The following MAP3K10 variants were observed in gnomAD, a reference collection of about 807,000 sequenced individuals.
MAP3K10 encodes mitogen-activated protein kinase kinase kinase 10, also known as MKN28 derived nonreceptor_type serine/threonine kinase.
Under a neutral mutation model 75.0 loss-of-function variants are expected in MAP3K10, and 22 were observed. The ratio of observed to expected loss-of-function variants is 0.29; its 90% CI spans 0.21 to 0.42. The LOEUF (loss-of-function observed/expected upper bound fraction) is 0.42, where lower values mean the gene tolerates loss of function less well. Among genes scored for constraint, MAP3K10 ranks in the 10% least tolerant of loss-of-function variants. The probability of loss-of-function intolerance (pLI) is 1.00; values close to 1 mark genes in which losing one functional copy is unlikely to be tolerated. For missense variants in MAP3K10, 1,165 were observed against 1,379.8 expected (o/e 0.84, Z 2.47); for synonymous variants, 599 against 612.9 (o/e 0.98, Z 0.34).
rs766160419 is a variant in MAP3K10 at position 40,212,922 on chromosome 19, G to A, written c.1670G>A (p.Arg557Gln). The change falls in exon 7 of 10, where the codon CGA (arginine) becomes CAA (glutamine). Residue 557 changes from arginine to glutamine, a missense_variant. Arg to Gln is a conservative substitution (Grantham distance 43). This residue lies in a region of MAP3K10 where 575 missense variants were observed against 793.2 expected (regional missense o/e 0.72). Transcript: ENST00000253055. This position sits in a 1 kb window ranked among gnomAD's most constrained non-coding sequence, Gnocchi z 4.2. Reference protein sequence around the residue: ...EELVGGKKKGRTWGPSSTLQK... With the variant: ...EELVGGKKKGQTWGPSSTLQK... Reference sequence around the variant, plus strand: ...CTGGTCGGGGGCAAGAAGAAGGGACGAACGTGGGGGCCCAGCTCCACCCTG... The same window carrying A: ...CTGGTCGGGGGCAAGAAGAAGGGACAAACGTGGGGGCCCAGCTCCACCCTG... 1.7e-5 allele frequency: 28 copies of A among 1,612,852 alleles called. No individual in the cohort carries two copies. The highest frequency in any genetic ancestry group is 2.2e-5 in the East Asian group (1 of 44,876).
chr19:40,192,854 AGGTGAGGTAGGCCTTGCCT>A lies in MAP3K10; in HGVS notation c.682+143_682+161del. 2.9e-6 allele frequency: 2 copies of A among 690,918 alleles called. No individual in the cohort carries two copies. Among genetic ancestry groups the A allele is most frequent in the Non-Finnish European group, 4.6e-6 (2 of 439,232 alleles). 42.8% of individuals were successfully genotyped at this position (690,918 alleles called of 1,614,324 possible). A position where few individuals can be genotyped will look rare whatever the true frequency, so the allele number is the denominator to read the frequency against. Reference sequence around the variant, plus strand: ...CAGCAGTATGATACCTTCAGGGTGAAGGTGAGGTAGGCCTTGCCTGCCTTAAGGGAGAAAAAGGAGGCTC... The same window carrying A: ...CAGCAGTATGATACCTTCAGGGTGAAGCCTTAAGGGAGAAAAAGGAGGCTC... On this transcript the variant is annotated intron_variant, in intron 1 of 9. Coordinates refer to ENST00000253055, the MANE Select transcript of MAP3K10 (RefSeq NM_002446.4). This position sits in a 1 kb window ranked among gnomAD's most constrained non-coding sequence, Gnocchi z 7.1.
chr19:40,213,743 C>A lies in MAP3K10; in HGVS notation c.2064C>A (p.Gly688=). 1 of 1,085,156 alleles carries A rather than the reference C, an allele frequency of 9.2e-7. No homozygotes were observed. Among genetic ancestry groups the A allele is most frequent in the Non-Finnish European group, 1.1e-6 (1 of 892,776 alleles). The allele number at this position is 1,085,156 out of a possible 1,614,324, so 67.2% of individuals were successfully genotyped here. The change falls in exon 9 of 10, where the codon GGC becomes GGA. Residue 688 remains glycine (G), a synonymous_variant. Coordinates refer to ENST00000253055, the MANE Select transcript of MAP3K10 (RefSeq NM_002446.4). The surrounding 1 kb of genome is among the most constrained non-coding windows in gnomAD (Gnocchi z 5.7). ...CATLLGAVGL[G]ADVAEARAAD... Reference sequence around the variant, plus strand: ...CGCTGCTGGGGGCTGTGGGCCTGGGCGCCGACGTGGCCGAGGCGCGCGCGG... The same window carrying A: ...CGCTGCTGGGGGCTGTGGGCCTGGGAGCCGACGTGGCCGAGGCGCGCGCGG...
At position 40,192,072 on chromosome 19, in the gene MAP3K10, C is replaced by T. The variant is rs750965657; in HGVS notation, c.41C>T (p.Thr14Met). Residue 14 changes from threonine (T) to methionine (M), a missense_variant, in exon 1 of 10, where the codon ACG (threonine) becomes ATG (methionine). By Grantham distance (81) the Thr-to-Met change is moderately conservative. Around this residue, in one of 2 missense-constraint regions of MAP3K10, gnomAD observed 575 missense variants for 793.2 expected, o/e 0.72. Coordinates refer to ENST00000253055, the MANE Select transcript of MAP3K10 (RefSeq NM_002446.4). This position sits in a 1 kb window ranked among gnomAD's most constrained non-coding sequence, Gnocchi z 7.1. ...GGGGCGGTGGCCAAGGAGTGGGGCA[C>T]GACCCCCGCGGGGCCCGTCTGGACC... is the stretch of plus-strand genomic sequence containing the variant. ...EEGAVAKEWG[T>M]TPAGPVWTAV... 2.6e-5 allele frequency: 39 copies of T among 1,489,988 alleles called. No homozygotes were observed. Among genetic ancestry groups the T allele is most frequent in the Non-Finnish European group, 3.5e-5 (39 of 1,122,136 alleles). The allele number at this position is 1,489,988 out of a possible 1,614,324, so 92.3% of individuals were successfully genotyped here.
chr19:40,192,244 C>T lies in MAP3K10; in HGVS notation c.213C>T (p.Phe71=), dbSNP rs1184196193. 1.2e-6 allele frequency: 2 copies of T among 1,604,042 alleles called. No homozygotes were observed. The highest frequency in any genetic ancestry group is 1.7e-5 in the Admixed American group (1 of 58,960). ...TCCCCAGCGGCCGCGTGGGCGTCTT[C>T]CCCAGCAACTACGTGGCCCCCGGCG... is the stretch of plus-strand genomic sequence containing the variant. ...GQLPSGRVGV[F]PSNYVAPGAP... The change falls in exon 1 of 10, where the codon TTC becomes TTT. Residue 71 remains phenylalanine (F), a synonymous_variant. Coordinates refer to ENST00000253055, the MANE Select transcript of MAP3K10 (RefSeq NM_002446.4). This position sits in a 1 kb window ranked among gnomAD's most constrained non-coding sequence, Gnocchi z 7.1.
rs1322102582 is a variant in MAP3K10, at chr19:40,204,377, G to T, written c.864-108G>T. Reference sequence around the variant, plus strand: ...GTTCTTGTGACCTCATTGGCCGGGGGTGGCTGTTGGGGTGAGGGCAGCCCT... The same window carrying T: ...GTTCTTGTGACCTCATTGGCCGGGGTTGGCTGTTGGGGTGAGGGCAGCCCT... On this transcript the variant is annotated intron_variant, in intron 2 of 9. Coordinates refer to ENST00000253055, the MANE Select transcript of MAP3K10 (RefSeq NM_002446.4). The surrounding 1 kb of genome is among the most constrained non-coding windows in gnomAD (Gnocchi z 4.3). 1.6e-6 allele frequency: 2 copies of T among 1,270,962 alleles called. No individual in the cohort carries two copies. Among genetic ancestry groups the T allele is most frequent in the East Asian group, 2.5e-5 (1 of 39,464 alleles). The allele number at this position is 1,270,962 out of a possible 1,614,324, so 78.7% of individuals were successfully genotyped here. A position where few individuals can be genotyped will look rare whatever the true frequency, so the allele number is the denominator to read the frequency against.
At position 40,192,525 on chromosome 19, in the gene MAP3K10, T is replaced by G; in HGVS notation, c.494T>G (p.Leu165Arg). ...PNIIALRGAC[L>R]NPPHLCLVME... ...ATAATTGCCCTTAGGGGCGCCTGCC[T>G]CAACCCCCCACACCTCTGCCTAGTG... Residue 165 changes from leucine (L) to arginine (R), a missense_variant, in exon 1 of 10, where the codon CTC (leucine) becomes CGC (arginine). Leu to Arg is a moderately radical substitution (Grantham distance 102). This residue lies in a region of MAP3K10 where 575 missense variants were observed against 793.2 expected (regional missense o/e 0.72). Coordinates refer to ENST00000253055, the MANE Select transcript of MAP3K10 (RefSeq NM_002446.4). The surrounding 1 kb of genome is among the most constrained non-coding windows in gnomAD (Gnocchi z 7.1). 6.2e-7 allele frequency: 1 copy of G among 1,613,558 alleles called. No homozygotes were observed.
rs557538464 is a variant in MAP3K10 at position 40,212,048 on chromosome 19, C to T, written c.1553-757C>T. Among the ~76,000 whole-genome samples the T allele has an allele frequency of 6.6e-6, 1 of 152,162 alleles. No individual in the cohort carries two copies. Among genetic ancestry groups the T allele is most frequent in the Non-Finnish European group, 1.5e-5 (1 of 68,022 alleles). On this transcript the variant is annotated intron_variant, in intron 6 of 9. Transcript: ENST00000253055. This position sits in a 1 kb window ranked among gnomAD's most constrained non-coding sequence, Gnocchi z 4.2. Reference sequence around the variant, plus strand: ...CCTGGTATGGATTTTCTTTTAACTGCCCTGGGGCAGCCCCCAGAGCCATGC... The same window carrying T: ...CCTGGTATGGATTTTCTTTTAACTGTCCTGGGGCAGCCCCCAGAGCCATGC...
chr19:40,204,778 C>A lies in MAP3K10; in HGVS notation c.1012+145C>A. The A allele has an allele frequency of 9.8e-7, 1 of 1,024,508 alleles. No individual in the cohort carries two copies. 63.5% of individuals were successfully genotyped at this position (1,024,508 alleles called of 1,614,324 possible). A position where few individuals can be genotyped will look rare whatever the true frequency, so the allele number is the denominator to read the frequency against. On this transcript the variant is annotated intron_variant, in intron 3 of 9. Coordinates refer to ENST00000253055, the MANE Select transcript of MAP3K10 (RefSeq NM_002446.4). This position sits in a 1 kb window ranked among gnomAD's most constrained non-coding sequence, Gnocchi z 4.3. ...CTGGAACCCACTGGACTCTAAACAG[C>A]CTCCCCATGGTTGGCTCCATCCCCC...
At chr19:40,208,645 C>T (rs1973179669) in intron 5 of MAP3K10, among the ~76,000 whole-genome samples, 1 of 147,486 alleles carries the variant, frequency 6.8e-6, no homozygotes, top group Non-Finnish European at 1.5e-5. Context: ...CAAGACCAGC[C>T]TGGTCACCAC....
chr19:40,206,309 T>G, intron 5 of MAP3K10, 152 bp downstream of exon 5: 1 of 915,618 alleles, frequency 1.1e-6, no homozygotes. Context: ...GGCGAGCACT[T>G]GTAGTCCCAG....
chr19:40,203,023 G>A (rs1206620857), intron 2 of MAP3K10, among the ~76,000 whole-genome samples: 1 of 152,192 alleles, frequency 6.6e-6, no homozygotes, highest in Non-Finnish European at 1.5e-5. Context: ...AATGGTGCTT[G>A]GCACACAGTA....
intron 6 of MAP3K10, among the ~76,000 whole-genome samples, chr19:40,210,199 G>A (rs1003443250): frequency 4.6e-5 from 7 of 152,176 alleles, no homozygotes; most frequent in Admixed American, 3.3e-4. Context: ...CCCGGGAGGC[G>A]GAGCATGCAG....
intron 5 of MAP3K10, among the ~76,000 whole-genome samples, chr19:40,207,122 T>C (rs1381992631): frequency 6.6e-6 from 1 of 152,096 alleles, no homozygotes. Flanking sequence ...AAGATATACA[T>C]ATATATGCTG....
chr19:40,202,962 G>A (rs192806280), intron 2 of MAP3K10, among the ~76,000 whole-genome samples: 1 of 152,296 alleles, frequency 6.6e-6, no homozygotes, highest in East Asian at 1.9e-4. Flanking sequence ...ATGGGAGGCT[G>A]TCAGCTGCAT....
In MAP3K10 at chr19:40,213,296, C is replaced by T; in HGVS notation, c.1837+108C>T. 6.9e-7 allele frequency: 1 copy of T among 1,451,930 alleles called. No individual in the cohort carries two copies. Among genetic ancestry groups the T allele is most frequent in the Non-Finnish European group, 9.0e-7 (1 of 1,105,304 alleles). 89.9% of individuals were successfully genotyped at this position (1,451,930 alleles called of 1,614,324 possible). A position where few individuals can be genotyped will look rare whatever the true frequency, so the allele number is the denominator to read the frequency against. ...TTTCACTGGGCCAGTGAGTGGAAGG[C>T]CTTCCTGGGAAGGGAGATGGTGGCC... On this transcript the variant is annotated intron_variant, in intron 8 of 9. Coordinates refer to ENST00000253055, the MANE Select transcript of MAP3K10 (RefSeq NM_002446.4). The surrounding 1 kb of genome is among the most constrained non-coding windows in gnomAD (Gnocchi z 5.7).
chr19:40,198,235 C>T lies in MAP3K10; in HGVS notation c.683-140C>T. The T allele has an allele frequency of 1.3e-6, 1 of 743,772 alleles. No individual in the cohort carries two copies. The highest frequency in any genetic ancestry group is 2.1e-6 in the Non-Finnish European group (1 of 466,188). The allele number at this position is 743,772 out of a possible 1,614,324, so 46.1% of individuals were successfully genotyped here. On this transcript the variant is annotated intron_variant, in intron 1 of 9. Transcript: ENST00000253055. This position sits in a 1 kb window ranked among gnomAD's most constrained non-coding sequence, Gnocchi z 4.3. ...GGAGGGGCTCATGGATGTTCCAGGC[C>T]AGGAAAGGACCTGCCACAGAGCGGG...
intron 1 of MAP3K10, among the ~76,000 whole-genome samples, chr19:40,193,111 CT>C (rs1244061986): frequency 6.6e-6 from 1 of 152,204 alleles, no homozygotes; most frequent in Non-Finnish European, 1.5e-5. Flanking sequence ...AACCCCAGCA[CT>C]ATTGGCACTT....
rs146461279 is a variant in MAP3K10, at chr19:40,213,276, C to T, written c.1837+88C>T. 5.5e-5 allele frequency: 80 copies of T among 1,460,906 alleles called. No individual in the cohort carries two copies. The African/African-American group carries it at 5.5e-4, about 10-fold the overall frequency. The allele number at this position is 1,460,906 out of a possible 1,614,324, so 90.5% of individuals were successfully genotyped here. A position where few individuals can be genotyped will look rare whatever the true frequency, so the allele number is the denominator to read the frequency against. On this transcript the variant is annotated intron_variant, in intron 8 of 9. Transcript: ENST00000253055. The surrounding 1 kb of genome is among the most constrained non-coding windows in gnomAD (Gnocchi z 5.7). ...GGCTGAGCGAAGAGACCAGGTTTCACTGGGCCAGTGAGTGGAAGGCCTTCC... is the reference window on the plus strand; with the variant it reads ...GGCTGAGCGAAGAGACCAGGTTTCATTGGGCCAGTGAGTGGAAGGCCTTCC...
chr19:40,199,861 T>A (rs1339626678), intron 2 of MAP3K10, among the ~76,000 whole-genome samples: 1 of 152,000 alleles, frequency 6.6e-6, no homozygotes, highest in Non-Finnish European at 1.5e-5. Context: ...AGGAAGTAAA[T>A]AAAAACTCCT....
Sources: allele counts gnomAD v4.1 joint callset (sites outside exome capture counted in the v4.1 genomes callset), GRCh38; gene constraint gnomAD v4.1.1; regional missense constraint gnomAD v4.1.1; non-coding constraint Gnocchi (gnomAD v3.1); transcripts MANE v1.5; gene names NCBI Gene and HGNC (gene_info 2026-07-23, HGNC 2026-07-21).